ATP9A: variants seen among roughly 807,000 people sequenced by gnomAD.
The protein encoded by ATP9A is ATPase phospholipid transporting 9A, also known as probable phospholipid-transporting ATPase IIA.
In ATP9A, 52 loss-of-function variants were observed where a neutral mutation model predicts 144.1. The observed-to-expected ratio is 0.36, with a 90% confidence interval of 0.29 to 0.45. ATP9A has a LOEUF of 0.45. Among genes scored for constraint, ATP9A ranks in the 20% least tolerant of loss-of-function variants. ATP9A has a pLI of 1.00. For synonymous variants in ATP9A, 582 were observed against 557.4 expected (o/e 1.04, Z -0.62); for missense variants, 947 against 1,392.7 (o/e 0.68, Z 5.09).
At chr20:51,624,584 C>A (rs1320688921) in intron 18 of ATP9A, among the ~76,000 whole-genome samples, 1 of 152,166 alleles carries the variant, frequency 6.6e-6, no homozygotes, top group East Asian at 1.9e-4. Context: ...GTGCTGATCA[C>A]TCAACTAGAA....
intron 10 of ATP9A, among the ~76,000 whole-genome samples, chr20:51,675,151 T>G (rs1728718473): frequency 6.6e-6 from 1 of 152,182 alleles, no homozygotes; most frequent in Admixed American, 6.5e-5. Context: ...TTTATCTTCA[T>G]GTCTAGTCTT....
intron 13 of ATP9A, among the ~76,000 whole-genome samples, chr20:51,664,314 C>A (rs1373560434): frequency 6.6e-6 from 1 of 152,112 alleles, no homozygotes; most frequent in Non-Finnish European, 1.5e-5. Flanking sequence ...GGGCTGGCTG[C>A]AGTGGCTCAT....
At chr20:51,699,110 G>A (rs763298740) in intron 4 of ATP9A, among the ~76,000 whole-genome samples, 11 of 152,090 alleles carry the variant, frequency 7.2e-5, no homozygotes, top group South Asian at 2.1e-4. Flanking sequence ...GGGAGGCCGA[G>A]GCAGGTAGAT....
intron 1 of ATP9A, among the ~76,000 whole-genome samples, chr20:51,732,889 C>T (rs570429228): frequency 6.6e-6 from 1 of 151,542 alleles, no homozygotes; most frequent in South Asian, 2.1e-4. Context: ...AGCGCATCAC[C>T]GTATTTGCAG....
At position 51,671,128 on chromosome 20, in the gene ATP9A, G is replaced by C. The variant is rs187885585; in HGVS notation, c.1167C>G (p.Leu389=). Residue 389 remains leucine (L), a synonymous_variant, in exon 12 of 28, where the codon CTC becomes CTG. Transcript: ENST00000338821. ...PEQLGRISYL[L]TDKTGTLTQN... ...AAAGCAGCTCACCTGTCTTGTCTGTGAGTAAGTACGAAATCCTGCCCAGCT... is the reference window on the plus strand; with the variant it reads ...AAAGCAGCTCACCTGTCTTGTCTGTCAGTAAGTACGAAATCCTGCCCAGCT... 6 of 1,613,758 alleles carry C rather than the reference G, an allele frequency of 3.7e-6. No homozygotes were observed. In the Admixed American group the frequency reaches 1.0e-4, roughly 27 times the overall value.
intron 26 of ATP9A, 38 bp downstream of exon 26, chr20:51,607,489 A>G: frequency 6.4e-7 from 1 of 1,550,582 alleles, no homozygotes; most frequent in South Asian, 1.1e-5. Context: ...AGTCAGTACC[A>G]GAGCACAAGA....
intron 1 of ATP9A, among the ~76,000 whole-genome samples, chr20:51,740,059 GTTAT>G (rs1433577384): frequency 6.6e-6 from 1 of 152,032 alleles, no homozygotes; most frequent in African/African-American, 2.4e-5. Context: ...TTGTTTCACT[GTTAT>G]TTATTTATTT....
intron 1 of ATP9A, among the ~76,000 whole-genome samples, chr20:51,739,596 A>G (rs1049383375): frequency 1.3e-5 from 2 of 150,988 alleles, no homozygotes; most frequent in Non-Finnish European, 3.0e-5. Context: ...CCTCACCTAC[A>G]CTCACTCTTT....
chr20:51,723,014 T>C (rs1216213172), intron 3 of ATP9A, among the ~76,000 whole-genome samples: 1 of 152,100 alleles, frequency 6.6e-6, no homozygotes, highest in Admixed American at 6.6e-5. Flanking sequence ...TGCCCATCAA[T>C]CGACGAGTGG....
At position 51,613,815 on chromosome 20, in the gene ATP9A, C is replaced by A. The variant is rs1005308262; in HGVS notation, c.2433G>T (p.Ser811=). The A allele has an allele frequency of 1.9e-6, 3 of 1,612,598 alleles. No homozygotes were observed. The East Asian group carries it at 6.7e-5, about 36-fold the overall frequency. Reference sequence around the variant, plus strand: ...GAGTGATGGAGAAGTCTGCAGCCAACGAAGCCTGTTTTCCTTCCTAAAATC... The same window carrying A: ...GAGTGATGGAGAAGTCTGCAGCCAAAGAAGCCTGTTTTCCTTCCTAAAATC... ...GVEGKEGKQA[S]LAADFSITQF... is the part of the protein sequence containing the mutation. Residue 811 remains serine, a synonymous_variant, in exon 23 of 28, where the codon TCG becomes TCT. Coordinates refer to ENST00000338821, the MANE Select transcript of ATP9A (RefSeq NM_006045.3).
intron 9 of ATP9A, among the ~76,000 whole-genome samples, chr20:51,687,773 A>ATG (rs1160637721): frequency 4.1e-5 from 5 of 121,194 alleles, no homozygotes; most frequent in Middle Eastern, 4.5e-3. Flanking sequence ...CAAAAAAAAA[A>ATG]AAAATGAATG....
chr20:51,651,799 G>A (rs1435473956), intron 14 of ATP9A, among the ~76,000 whole-genome samples: 1 of 151,908 alleles, frequency 6.6e-6, no homozygotes, highest in African/African-American at 2.4e-5. Flanking sequence ...CATGGTGGTG[G>A]GCACCTGTAG....
intron 23 of ATP9A, among the ~76,000 whole-genome samples, chr20:51,613,153 C>T (rs1222866717): frequency 6.6e-6 from 1 of 152,162 alleles, no homozygotes; most frequent in African/African-American, 2.4e-5. Context: ...CAACACTTAG[C>T]CTGATGCCTA....
At chr20:51,690,968 G>C (rs2077546165) in intron 7 of ATP9A, 149 bp from the exon 8 acceptor site, 1 of 679,274 alleles carries the variant, frequency 1.5e-6, no homozygotes, top group East Asian at 2.5e-5. Context: ...GAAGAGGAAA[G>C]TCCTCTGTTA....
chr20:51,748,528 T>C (rs528562135), intron 1 of ATP9A, among the ~76,000 whole-genome samples: 2 of 152,200 alleles, frequency 1.3e-5, no homozygotes. Flanking sequence ...TTAAATATTA[T>C]ACAAAACTAA....
intron 7 of ATP9A, among the ~76,000 whole-genome samples, chr20:51,691,558 G>A (rs1265068737): frequency 1.3e-5 from 2 of 152,164 alleles, no homozygotes. Context: ...AAGTAAGAAC[G>A]CCTCCCACCC....
intron 14 of ATP9A, among the ~76,000 whole-genome samples, chr20:51,646,313 G>C (rs2077342142): frequency 6.6e-6 from 1 of 152,154 alleles, no homozygotes; most frequent in Admixed American, 6.5e-5. Flanking sequence ...TTGAATTCTT[G>C]TCAAAAGCAG....
At chr20:51,676,046 G>T (rs1188334453) in intron 10 of ATP9A, 86 bp downstream of exon 10, 3 of 959,288 alleles carry the variant, frequency 3.1e-6, no homozygotes, top group East Asian at 2.4e-5. Flanking sequence ...TCACTCTTAG[G>T]TGTTCCTATT....
At chr20:51,649,736 G>A (rs1396852506) in intron 14 of ATP9A, among the ~76,000 whole-genome samples, 1 of 152,062 alleles carries the variant, frequency 6.6e-6, no homozygotes, top group Non-Finnish European at 1.5e-5. Flanking sequence ...CCAACATGGT[G>A]AAACCCTGTC....
Sources: allele counts gnomAD v4.1 joint callset (sites outside exome capture counted in the v4.1 genomes callset), GRCh38; gene constraint gnomAD v4.1.1; transcripts MANE v1.5; gene names NCBI Gene and HGNC (gene_info 2026-07-23, HGNC 2026-07-21).